The following CDH8 variants were observed in gnomAD, a reference collection of about 807,000 sequenced individuals.
CDH8 encodes cadherin 8, also known as cadherin-8.
Under a neutral mutation model 68.1 loss-of-function variants are expected in CDH8, and 17 were observed. The ratio of observed to expected loss-of-function variants is 0.25; its 90% CI spans 0.17 to 0.37. CDH8 has a LOEUF of 0.37. Among genes scored for constraint, CDH8 ranks in the 10% least tolerant of loss-of-function variants. The pLI, the probability that CDH8 is intolerant of heterozygous loss-of-function variation, is 1.00. For missense variants in CDH8, 763 were observed against 999.3 expected (o/e 0.76, Z 3.19); for synonymous variants, 372 against 365.1 (o/e 1.02, Z -0.21).
intron 3 of CDH8, among the ~76,000 whole-genome samples, chr16:61,884,347 T>C (rs1963632421): frequency 6.6e-6 from 1 of 151,996 alleles, no homozygotes; most frequent in Non-Finnish European, 1.5e-5. Context: ...ACGTGATGAA[T>C]AGTAAGTATA....
At chr16:61,852,313 A>G (rs913969785) in intron 4 of CDH8, among the ~76,000 whole-genome samples, 1 of 152,124 alleles carries the variant, frequency 6.6e-6, no homozygotes, top group African/African-American at 2.4e-5. Context: ...TGTCAAACCT[A>G]AAAGACTGTA....
In CDH8 at chr16:61,800,060, C is replaced by A. The variant is rs1049467387; in HGVS notation, c.1278-10578G>T. Among the ~76,000 whole-genome samples, 19 of 152,202 alleles carry A rather than the reference C, an allele frequency of 1.2e-4. No homozygotes were observed. The East Asian group carries it at 3.3e-3, about 26-fold the overall frequency. ...GGTAGCTGAGATTACGGGTATGCAC[C>A]ACCACGCCCGGCTATTTCTTTGTAT... On this transcript the variant is annotated intron_variant, in intron 7 of 11. Transcript: ENST00000577390.
intron 8 of CDH8, among the ~76,000 whole-genome samples, chr16:61,775,498 G>A (rs1960878809): frequency 6.6e-6 from 1 of 152,036 alleles, no homozygotes; most frequent in Non-Finnish European, 1.5e-5. Flanking sequence ...ATCAAGAGAT[G>A]ACACTTCTCT....
chr16:61,716,520 A>C (rs1287210939), intron 9 of CDH8, among the ~76,000 whole-genome samples: 1 of 151,756 alleles, frequency 6.6e-6, no homozygotes, highest in Non-Finnish European at 1.5e-5. Flanking sequence ...TGTATTTCAA[A>C]CAGCCTTCTG....
intron 2 of CDH8, among the ~76,000 whole-genome samples, chr16:61,905,833 T>G (rs1007468195): frequency 2.0e-5 from 3 of 151,664 alleles, no homozygotes; most frequent in Admixed American, 1.3e-4. Context: ...AGGTGGAGGT[T>G]GCAGTGAGCC....
At chr16:61,667,569 A>T (rs1963704196) in intron 10 of CDH8, 1 of 151,910 alleles carries the variant, frequency 6.6e-6, no homozygotes, top group Non-Finnish European at 1.5e-5. Flanking sequence ...TCATCAAGTG[A>T]TCTATGAAAC....
At chr16:61,984,399 T>C (rs1234263635) in intron 2 of CDH8, among the ~76,000 whole-genome samples, 1 of 152,046 alleles carries the variant, frequency 6.6e-6, no homozygotes, top group Non-Finnish European at 1.5e-5. Context: ...TATTTTTTTG[T>C]ATGTTACAGA....
chr16:61,873,698 C>T (rs1392045824), intron 3 of CDH8, among the ~76,000 whole-genome samples: 2 of 152,060 alleles, frequency 1.3e-5, no homozygotes, highest in African/African-American at 4.8e-5. Context: ...TTTTTCAATG[C>T]TGGGCTGAGG....
intron 2 of CDH8, among the ~76,000 whole-genome samples, chr16:61,993,072 A>T (rs1965752810): frequency 6.6e-6 from 1 of 152,216 alleles, no homozygotes; most frequent in East Asian, 1.9e-4. Flanking sequence ...AGTGTGGGCC[A>T]CTGTGCCTGA....
chr16:61,867,635 T>G (rs1259922604), intron 3 of CDH8, among the ~76,000 whole-genome samples: 1 of 152,130 alleles, frequency 6.6e-6, no homozygotes, highest in Non-Finnish European at 1.5e-5. Context: ...GGAAAGTTAG[T>G]AAAGGGTTTT....
At chr16:61,706,618 C>T (rs1260028918) in intron 10 of CDH8, among the ~76,000 whole-genome samples, 2 of 48,970 alleles carry the variant, frequency 4.1e-5, no homozygotes, top group Non-Finnish European at 7.5e-5. Flanking sequence ...AAGACTCTGT[C>T]TCAAAAAAAA....
chr16:61,683,873 A>C (rs373049767), intron 10 of CDH8, among the ~76,000 whole-genome samples: 29 of 152,170 alleles, frequency 1.9e-4, no homozygotes, highest in African/African-American at 6.5e-4. Flanking sequence ...TATTTCTAGA[A>C]AGGCCAGTTG....
chr16:61,684,654 A>G (rs899723105), intron 10 of CDH8, among the ~76,000 whole-genome samples: 24 of 151,848 alleles, frequency 1.6e-4, no homozygotes, highest in Non-Finnish European at 1.3e-4. Context: ...ATTCAGAATC[A>G]TTTTTTGGCC....
At chr16:61,713,086 ACTTAAATAC>A (rs1310729341) in intron 10 of CDH8, among the ~76,000 whole-genome samples, 7 of 151,766 alleles carry the variant, frequency 4.6e-5, no homozygotes, top group Non-Finnish European at 8.9e-5. Flanking sequence ...TACAACTAAG[ACTTAAATAC>A]ATTTGAACAA....
At chr16:61,997,279 A>G (rs1965820931) in intron 2 of CDH8, among the ~76,000 whole-genome samples, 1 of 152,172 alleles carries the variant, frequency 6.6e-6, no homozygotes. Flanking sequence ...TGAGAAAAGA[A>G]CGTAATGCAT....
chr16:61,661,848 T>C (rs891232657), intron 10 of CDH8, among the ~76,000 whole-genome samples: 2 of 151,758 alleles, frequency 1.3e-5, no homozygotes, highest in African/African-American at 2.4e-5. Context: ...TCATTCCTTT[T>C]CAAGTATTAT....
At chr16:61,715,619 T>C (rs1440327531) in intron 9 of CDH8, among the ~76,000 whole-genome samples, 1 of 151,742 alleles carries the variant, frequency 6.6e-6, no homozygotes, top group South Asian at 2.1e-4. Context: ...GATAAATCTT[T>C]TATAAATGTA....
At chr16:61,677,046 C>T (rs1963926758) in intron 10 of CDH8, among the ~76,000 whole-genome samples, 1 of 151,860 alleles carries the variant, frequency 6.6e-6, no homozygotes. Context: ...TTTTATAAAC[C>T]TTCCAATGTG....
chr16:61,682,374 T>G (rs944089153), intron 10 of CDH8, among the ~76,000 whole-genome samples: 14 of 151,926 alleles, frequency 9.2e-5, no homozygotes, highest in African/African-American at 3.4e-4. Flanking sequence ...TCCCAAGAGA[T>G]GTCACATGTG....
Sources: allele counts gnomAD v4.1 joint callset (sites outside exome capture counted in the v4.1 genomes callset), GRCh38; gene constraint gnomAD v4.1.1; transcripts MANE v1.5; gene names NCBI Gene and HGNC (gene_info 2026-07-23, HGNC 2026-07-21).